NLRP13: variants seen among roughly 807,000 people sequenced by gnomAD.
NLRP13 encodes NLR family pyrin domain containing 13.
A neutral mutation model predicts 94.4 loss-of-function variants in NLRP13; 82 were observed. The ratio of observed to expected loss-of-function variants is 0.87; its 90% CI spans 0.73 to 1.04. The LOEUF (loss-of-function observed/expected upper bound fraction) is 1.04, where lower values mean the gene tolerates loss of function less well. NLRP13 is among the 50% of genes least tolerant of loss of function. The probability of loss-of-function intolerance (pLI) is 0.00; values close to 1 mark genes in which losing one functional copy is unlikely to be tolerated. For missense variants in NLRP13, 1,426 were observed against 1,230.8 expected, an observed-to-expected ratio of 1.16 and a Z score of -2.37; for synonymous variants, 553 against 464.7, an observed-to-expected ratio of 1.19 and a Z score of -2.45.
chr19:55,911,672 G>C, intron 5 of NLRP13, 34 bp downstream of exon 5: 1 of 1,533,930 alleles, frequency 6.5e-7, no homozygotes, highest in South Asian at 1.3e-5. Context: ...GAAAACAGGA[G>C]AAAGCTGAGA....
intron 10 of NLRP13, among the ~76,000 whole-genome samples, chr19:55,898,462 G>A (rs1677070730): frequency 1.3e-5 from 2 of 151,868 alleles, no homozygotes; most frequent in South Asian, 2.1e-4. Flanking sequence ...CGCCCACCTC[G>A]ACCTCCCCAA....
At chr19:55,898,713 T>C in intron 10 of NLRP13, 57 bp downstream of exon 10, 1 of 1,499,202 alleles carries the variant, frequency 6.7e-7, no homozygotes, top group Non-Finnish European at 9.0e-7. Flanking sequence ...CGATCATATC[T>C]CCCCACCCGC....
Position 55,912,431 on chromosome 19 carries a change from G to T in NLRP13, c.1386C>A (p.Asn462Lys). The change falls in exon 5 of 11, where the codon AAC becomes AAA. Residue 462 changes from asparagine to lysine, a missense_variant. Transcript: ENST00000342929. Reference sequence around the variant, plus strand: ...AATCTACCTCTGCTGTGGAGAACAAGTTGGAGAAAAAATAGGCATACAGAC... The same window carrying T: ...AATCTACCTCTGCTGTGGAGAACAATTTGGAGAAAAAATAGGCATACAGAC... ...TTSLYAYFFSNLFSTAEVDLA... is the reference protein window; with the variant it reads ...TTSLYAYFFSKLFSTAEVDLA... 6.2e-7 allele frequency: 1 copy of T among 1,614,166 alleles called. No homozygotes were observed. Among genetic ancestry groups the T allele is most frequent in the Non-Finnish European group, 8.5e-7 (1 of 1,180,032 alleles).
At position 55,912,184 on chromosome 19, in the gene NLRP13, C is replaced by A; in HGVS notation, c.1633G>T (p.Ala545Ser). ...GGTTCCTCTAGCACAAAGGACATGG[C>A]TGCAAAAAACTCCTGGAAACTTAGG... is the stretch of plus-strand genomic sequence containing the variant. ...THLSFQEFFA[A>S]MSFVLEEPRE... is the part of the protein sequence containing the mutation. Residue 545 changes from alanine (A) to serine (S), a missense_variant, in exon 5 of 11, where the codon GCC becomes TCC. Ala to Ser is a moderately conservative substitution (Grantham distance 99). Transcript: ENST00000342929. 6.2e-7 allele frequency: 1 copy of A among 1,614,158 alleles called. No homozygotes were observed. The highest frequency in any genetic ancestry group is 8.5e-7 in the Non-Finnish European group (1 of 1,180,022).
chr19:55,902,045 G>T lies in NLRP13; in HGVS notation c.2779C>A (p.Gln927Lys). 1 of 1,614,048 alleles carries T rather than the reference G, an allele frequency of 6.2e-7. No individual in the cohort carries two copies. The highest frequency in any genetic ancestry group is 8.5e-7 in the Non-Finnish European group (1 of 1,179,952). Residue 927 changes from glutamine to lysine, a missense_variant, in exon 9 of 11, where the codon CAG (glutamine) becomes AAG (lysine). Transcript: ENST00000342929. ...EALGRPDGNL[Q>K]SLNLSGCSFT... is the part of the protein sequence containing the mutation. ...GCCAAGAAAACTTACTTCAGGCTCT[G>T]CAGGTTACCATCTGGGCGACCCAAG...
intron 10 of NLRP13, among the ~76,000 whole-genome samples, 189 bp downstream of exon 10, chr19:55,898,581 G>A (rs1340034201): frequency 6.6e-6 from 1 of 152,152 alleles, no homozygotes; most frequent in African/African-American, 2.4e-5. Context: ...CTGACCTCAG[G>A]TGATCCACCC....
chr19:55,916,763 GAAGA>G (rs1437905079), intron 4 of NLRP13, among the ~76,000 whole-genome samples: 1 of 152,104 alleles, frequency 6.6e-6, no homozygotes, highest in Non-Finnish European at 1.5e-5. Context: ...TCCTGAGGGA[GAAGA>G]AAGAGCAAAA....
chr19:55,902,967 TATAA>T (rs1436405034), intron 8 of NLRP13, among the ~76,000 whole-genome samples: 2 of 150,394 alleles, frequency 1.3e-5, no homozygotes, highest in South Asian at 2.1e-4. Flanking sequence ...TGTTATAATA[TATAA>T]ATAACTGTAA....
chr19:55,910,607 G>A lies in NLRP13; in HGVS notation c.2238C>T (p.Leu746=). The change falls in exon 6 of 11, where the codon CTC becomes CTT. Residue 746 remains leucine (L), a synonymous_variant. Coordinates refer to ENST00000342929, the MANE Select transcript of NLRP13 (RefSeq NM_176810.2). ...ATCTTGGATTTTTCAGTGCAAGACA[G>A]AGACCCTTCACAGAGGAAGCATGAA... ...SKLHASSVKG[L]CLALKNPRCK... 1.2e-6 allele frequency: 2 copies of A among 1,613,398 alleles called. No individual in the cohort carries two copies. Among genetic ancestry groups the A allele is most frequent in the African/African-American group, 1.3e-5 (1 of 75,032 alleles).
At chr19:55,895,198 TA>T (rs112514218), downstream of NLRP13, among the ~76,000 whole-genome samples, 2,451 of 140,364 alleles carry the variant, frequency 0.017, 63 homozygotes, top group African/African-American at 0.058. Context: ...AAAAGTATGT[TA>T]AAAAAAAAAA....
chr19:55,892,535 C>T (rs1985885401), downstream of NLRP13, among the ~76,000 whole-genome samples: 1 of 152,118 alleles, frequency 6.6e-6, no homozygotes, highest in East Asian at 1.9e-4. Context: ...GATTCTCCTG[C>T]CTTAGGCTCC....
chr19:55,899,708 A>G (rs182734612), intron 9 of NLRP13, among the ~76,000 whole-genome samples: 5,287 of 152,158 alleles, frequency 0.035, 131 homozygotes, highest in Admixed American at 0.05. Context: ...TAAACCCGGG[A>G]GGTGGAGGTT....
At chr19:55,929,325 C>T (rs1246482133) in intron 1 of NLRP13, among the ~76,000 whole-genome samples, 1 of 152,182 alleles carries the variant, frequency 6.6e-6, no homozygotes, top group African/African-American at 2.4e-5. Flanking sequence ...CTCTTGCACA[C>T]ATATGGTTAT....
At chr19:55,917,529 A>T (rs1264206814) in intron 4 of NLRP13, among the ~76,000 whole-genome samples, 1 of 152,116 alleles carries the variant, frequency 6.6e-6, no homozygotes, top group South Asian at 2.1e-4. Context: ...CTGCTTAAAA[A>T]AAAACTCATC....
chr19:55,894,408 T>C (rs1304471746), downstream of NLRP13, among the ~76,000 whole-genome samples: 3 of 152,152 alleles, frequency 2.0e-5, no homozygotes, highest in African/African-American at 4.8e-5. Context: ...TAAATGCTCT[T>C]CTCTCAGTGC....
At chr19:55,909,122 A>C (rs1429097965) in intron 6 of NLRP13, among the ~76,000 whole-genome samples, 1 of 152,174 alleles carries the variant, frequency 6.6e-6, no homozygotes, top group African/African-American at 2.4e-5. Flanking sequence ...ATTGGCCTAG[A>C]CACCAGATCA....
Position 55,896,015 on chromosome 19 carries a change from T to C in NLRP13, c.3062A>G (p.Asp1021Gly). Residue 1021 changes from aspartate to glycine, a missense_variant, in exon 11 of 11, where the codon GAT becomes GGT. Transcript: ENST00000342929. The stretch of plus-strand genomic sequence containing the variant: ...ACATAGCATCTTGACACCATCAGTA[T>C]CCAATTCATTGCCTAGAAGGTTCAG... ...VNLNLLGNEL[D>G]TDGVKMLCKA... is the part of the protein sequence containing the mutation. The C allele has an allele frequency of 6.2e-7, 1 of 1,614,170 alleles. No individual in the cohort carries two copies. The highest frequency in any genetic ancestry group is 1.1e-5 in the South Asian group (1 of 91,078).
intron 7 of NLRP13, 107 bp from the exon 8 acceptor site, chr19:55,905,219 T>C: frequency 8.5e-7 from 1 of 1,181,286 alleles, no homozygotes; most frequent in East Asian, 2.5e-5. Context: ...ATGGGAAGAT[T>C]AAATTGGAGA....
chr19:55,932,166 T>TG lies in NLRP13; in HGVS notation c.145dup (p.Gln49ProfsTer26), dbSNP rs1198298310. 2 of 1,613,946 alleles carry TG rather than the reference T, an allele frequency of 1.2e-6. No individual in the cohort carries two copies. The highest frequency in any genetic ancestry group is 1.3e-5 in the African/African-American group (1 of 74,916). The stretch of plus-strand genomic sequence containing the variant: ...CCAGGGGATACGCGGGAAGTGCCCC[T>TG]GGGGGGCCGACCAGAAGTCCATCAG... On this transcript the variant is annotated frameshift_variant, in exon 1 of 11. Coordinates refer to ENST00000342929, the MANE Select transcript of NLRP13 (RefSeq NM_176810.2). LOFTEE classifies it high-confidence loss of function.
Sources: gnomAD v4.1 joint callset for allele counts (sites outside exome capture counted in the v4.1 genomes callset) on GRCh38, gnomAD v4.1.1 for gene constraint, MANE v1.5 for transcripts, NCBI Gene and HGNC (gene_info 2026-07-23, HGNC 2026-07-21) for gene names.